Variants in CNTN5 observed in about 807,000 individuals in gnomAD.
CNTN5 encodes contactin 5.
A neutral mutation model predicts 129.1 loss-of-function variants in CNTN5; 77 were observed. The ratio of observed to expected loss-of-function variants is 0.60; its 90% CI spans 0.50 to 0.72. CNTN5 has a LOEUF of 0.72. CNTN5 is among the 30% of genes least tolerant of loss of function. The pLI is 0.00. For missense variants in CNTN5, 1,478 were observed against 1,328.8 expected, an observed-to-expected ratio of 1.11 and a Z score of -1.75; for synonymous variants, 509 against 465.6, an observed-to-expected ratio of 1.09 and a Z score of -1.20.
At chr11:99,854,521 T>C (rs76249271) in intron 6 of CNTN5, among the ~76,000 whole-genome samples, 10,027 of 152,094 alleles carry the variant, frequency 0.066, 442 homozygotes, top group East Asian at 0.16. Context: ...AGTGAATGAA[T>C]AGGTGGTGGT....
At chr11:99,471,976 A>G (rs1012913629) in intron 2 of CNTN5, among the ~76,000 whole-genome samples, 2 of 152,112 alleles carry the variant, frequency 1.3e-5, no homozygotes, top group South Asian at 2.1e-4. Flanking sequence ...ACCAAGATAC[A>G]TATTTTATGT....
At chr11:99,745,169 G>C (rs111468493) in intron 3 of CNTN5, among the ~76,000 whole-genome samples, 66 of 152,130 alleles carry the variant, frequency 4.3e-4, no homozygotes, top group African/African-American at 1.5e-3. Context: ...ATGGATTGCT[G>C]CTTTTACCTC....
intron 18 of CNTN5, among the ~76,000 whole-genome samples, chr11:100,290,029 C>A (rs1490071908): frequency 9.7e-4 from 145 of 149,704 alleles, no homozygotes; most frequent in African/African-American, 3.4e-3. Flanking sequence ...GAATAAAATA[C>A]CTAGGAATCC....
intron 4 of CNTN5, among the ~76,000 whole-genome samples, chr11:99,843,412 G>T (rs1256632517): frequency 1.3e-5 from 2 of 151,984 alleles, no homozygotes; most frequent in African/African-American, 4.8e-5. Context: ...CTCCAAATTT[G>T]TTCTTCTAAA....
At chr11:99,859,455 C>A (rs1382968365) in intron 6 of CNTN5, among the ~76,000 whole-genome samples, 1 of 152,166 alleles carries the variant, frequency 6.6e-6, no homozygotes, top group Non-Finnish European at 1.5e-5. Flanking sequence ...GTGGTCCCAT[C>A]ACCCAGTTAC....
intron 6 of CNTN5, among the ~76,000 whole-genome samples, chr11:99,901,916 G>A (rs568109409): frequency 1.3e-5 from 2 of 152,110 alleles, no homozygotes; most frequent in African/African-American, 4.8e-5. Context: ...AAATGCAAGC[G>A]TTATCCCCTG....
chr11:99,801,782 A>AT (rs1397130554), intron 3 of CNTN5, among the ~76,000 whole-genome samples: 1 of 152,104 alleles, frequency 6.6e-6, no homozygotes, highest in Non-Finnish European at 1.5e-5. Context: ...AAGCTCTGAT[A>AT]TTTTTTTAAA....
At chr11:99,946,022 T>G (rs1299166768) in intron 7 of CNTN5, among the ~76,000 whole-genome samples, 1 of 152,190 alleles carries the variant, frequency 6.6e-6, no homozygotes, top group Non-Finnish European at 1.5e-5. Context: ...AGATTTTTCT[T>G]GATTTCCAGT....
At chr11:99,592,501 C>A (rs1390531456) in intron 3 of CNTN5, among the ~76,000 whole-genome samples, 2 of 151,948 alleles carry the variant, frequency 1.3e-5, no homozygotes, top group Non-Finnish European at 2.9e-5. Flanking sequence ...GGAGACACAG[C>A]CATTTGAGTA....
chr11:99,943,651 G>GC (rs1555163735), intron 7 of CNTN5, among the ~76,000 whole-genome samples: 3 of 151,920 alleles, frequency 2.0e-5, no homozygotes, highest in African/African-American at 4.8e-5. Context: ...TTCTTCTAGG[G>GC]TTTTTATGGT....
At chr11:99,848,611 T>G (rs1401517238) in intron 6 of CNTN5, among the ~76,000 whole-genome samples, 1 of 152,186 alleles carries the variant, frequency 6.6e-6, no homozygotes, top group East Asian at 1.9e-4. Flanking sequence ...ATTGCAAAAC[T>G]TTTCACTGAT....
chr11:99,511,486 G>A (rs1946833633), intron 2 of CNTN5, among the ~76,000 whole-genome samples: 1 of 151,898 alleles, frequency 6.6e-6, no homozygotes, highest in South Asian at 2.1e-4. Flanking sequence ...TTTGGAATAG[G>A]TGTGGTGTGG....
At chr11:99,175,926 A>T (rs1857748648) in intron 1 of CNTN5, among the ~76,000 whole-genome samples, 2 of 152,168 alleles carry the variant, frequency 1.3e-5, no homozygotes, top group African/African-American at 4.8e-5. Flanking sequence ...TAAAAGTTTC[A>T]GCTGGTTTGG....
intron 1 of CNTN5, among the ~76,000 whole-genome samples, chr11:99,054,507 A>G (rs142171095): frequency 2.0e-5 from 3 of 152,038 alleles, no homozygotes; most frequent in African/African-American, 7.2e-5. Flanking sequence ...AGGCAGAGTT[A>G]AATAGTACTA....
intron 1 of CNTN5, among the ~76,000 whole-genome samples, chr11:99,242,287 G>C (rs1861599885): frequency 6.6e-6 from 1 of 152,104 alleles, no homozygotes; most frequent in African/African-American, 2.4e-5. Flanking sequence ...AGAATAATAG[G>C]TCTGTGGGAG....
chr11:99,451,628 C>T lies in CNTN5; in HGVS notation c.-70-104517C>T, dbSNP rs1040288382. On this transcript the variant is annotated intron_variant, in intron 2 of 24. Coordinates refer to ENST00000524871, the MANE Select transcript of CNTN5 (RefSeq NM_014361.4). ...CATAAGAGCAGAATTATTTTTTTGC[C>T]GTGTCTGAAGGATTAGGCGGTAGAC... Among the ~76,000 whole-genome samples, 4 of 151,740 alleles carry T rather than the reference C, an allele frequency of 2.6e-5. No individual in the cohort carries two copies. The East Asian group carries it at 5.8e-4, about 22-fold the overall frequency.
rs1391068549 is a variant in CNTN5, at chr11:100,358,226, G to A, written c.*2006G>A. The A allele has an allele frequency of 6.6e-6, 1 of 151,858 alleles. No homozygotes were observed. Among genetic ancestry groups the A allele is most frequent in the Non-Finnish European group, 1.5e-5 (1 of 67,844 alleles). The allele number at this position is 151,858 out of a possible 1,614,324, so 9.4% of individuals were successfully genotyped here. A position where few individuals can be genotyped will look rare whatever the true frequency, so the allele number is the denominator to read the frequency against. ...GGTGGTGTACACCAGATTTAGTGAAGGACTTTAAGAATCAACTTCTTACTT... is the reference window on the plus strand; with the variant it reads ...GGTGGTGTACACCAGATTTAGTGAAAGACTTTAAGAATCAACTTCTTACTT... On this transcript the variant is annotated 3_prime_UTR_variant, in exon 25 of 25. Transcript: ENST00000524871.
At chr11:99,631,730 A>C (rs2407048) in intron 3 of CNTN5, among the ~76,000 whole-genome samples, 91,561 of 151,680 alleles carry the variant, frequency 0.6, 28,462 homozygotes, top group Admixed American at 0.69. Flanking sequence ...ACACACATAC[A>C]AACTGAGGTT....
chr11:99,632,125 G>C (rs1312299704), intron 3 of CNTN5, among the ~76,000 whole-genome samples: 2 of 151,866 alleles, frequency 1.3e-5, no homozygotes, highest in Non-Finnish European at 2.9e-5. Context: ...TGGGGATACT[G>C]TATCTGAAAT....
Sources: gnomAD v4.1 joint callset for allele counts (sites outside exome capture counted in the v4.1 genomes callset) on GRCh38, gnomAD v4.1.1 for gene constraint, MANE v1.5 for transcripts, NCBI Gene and HGNC (gene_info 2026-07-23, HGNC 2026-07-21) for gene names.